CDH18: variants seen among roughly 807,000 people sequenced by gnomAD.
The protein encoded by CDH18 is cadherin 18, also known as cadherin-18.
CDH18 carries 31 observed loss-of-function variants against 67.9 expected under a neutral mutation model. That is an observed-to-expected ratio of 0.46 (90% CI 0.34 to 0.62). CDH18 has a LOEUF of 0.62. Among genes scored for constraint, CDH18 ranks in the 20% least tolerant of loss-of-function variants. The pLI, the probability that CDH18 is intolerant of heterozygous loss-of-function variation, is 0.01. For synonymous variants in CDH18, 362 were observed against 347.2 expected (o/e 1.04, Z -0.48); for missense variants, 890 against 975.5 (o/e 0.91, Z 1.17).
At chr5:19,788,926 T>A (rs1776085701) in intron 3 of CDH18, among the ~76,000 whole-genome samples, 1 of 152,180 alleles carries the variant, frequency 6.6e-6, no homozygotes, top group South Asian at 2.1e-4. Context: ...GCTGCCTTAT[T>A]AGTTAGCGAT....
intron 1 of CDH18, among the ~76,000 whole-genome samples, chr5:20,312,356 A>C (rs1370688406): frequency 6.6e-6 from 1 of 152,192 alleles, no homozygotes; most frequent in Non-Finnish European, 1.5e-5. Flanking sequence ...AAGATAATAC[A>C]TTATGGCTTC....
chr5:20,147,143 G>C (rs1750707476), intron 2 of CDH18, among the ~76,000 whole-genome samples: 1 of 152,110 alleles, frequency 6.6e-6, no homozygotes, highest in Non-Finnish European at 1.5e-5. Context: ...AATTTTAAGA[G>C]ACATAAATGA....
intron 1 of CDH18, among the ~76,000 whole-genome samples, chr5:20,339,804 T>G (rs1023360987): frequency 6.6e-6 from 1 of 152,174 alleles, no homozygotes; most frequent in Admixed American, 6.5e-5. Flanking sequence ...TTTCCAGAAC[T>G]TAACCAAAGT....
intron 3 of CDH18, among the ~76,000 whole-genome samples, chr5:19,790,553 TGAGAAGAGA>T: frequency 6.6e-6 from 1 of 152,100 alleles, no homozygotes; most frequent in East Asian, 1.9e-4. Context: ...GGAGTGTCTA[TGAGAAGAGA>T]TAAAGAGAAA....
At chr5:19,534,877 A>T (rs1268656365) in intron 9 of CDH18, among the ~76,000 whole-genome samples, 1 of 152,132 alleles carries the variant, frequency 6.6e-6, no homozygotes, top group African/African-American at 2.4e-5. Context: ...ACTCACTCTG[A>T]GTTGGCCAGC....
chr5:19,859,608 A>G (rs1784666058), intron 2 of CDH18, among the ~76,000 whole-genome samples: 1 of 152,064 alleles, frequency 6.6e-6, no homozygotes, highest in African/African-American at 2.4e-5. Context: ...TAACCCAGAC[A>G]TTTCTTTCTA....
At chr5:20,159,896 T>A (rs974784738) in intron 2 of CDH18, among the ~76,000 whole-genome samples, 5 of 152,132 alleles carry the variant, frequency 3.3e-5, no homozygotes, top group African/African-American at 1.2e-4. Flanking sequence ...ATAAAGCAGC[T>A]ACATTTCTTT....
At chr5:20,411,724 T>G (rs926524868) in intron 1 of CDH18, among the ~76,000 whole-genome samples, 1 of 151,734 alleles carries the variant, frequency 6.6e-6, no homozygotes, top group Non-Finnish European at 1.5e-5. Flanking sequence ...AGTTAATTTC[T>G]ATCCAAAACA....
At chr5:20,395,987 C>G (rs543412046) in intron 1 of CDH18, among the ~76,000 whole-genome samples, 1 of 152,140 alleles carries the variant, frequency 6.6e-6, no homozygotes, top group Non-Finnish European at 1.5e-5. Flanking sequence ...TTCATCTTGG[C>G]GTTCACCTGT....
At chr5:19,853,414 C>T (rs4629603) in intron 2 of CDH18, among the ~76,000 whole-genome samples, 121,077 of 152,054 alleles carry the variant, frequency 0.8, 50,115 homozygotes, top group Non-Finnish European at 0.91. Context: ...CCTGGGGGTT[C>T]AGCCTTGGGC....
In CDH18 at chr5:19,621,216, G is replaced by GAT. The variant is rs1392006857; in HGVS notation, c.644-8616_644-8615insAT. On this transcript the variant is annotated intron_variant, in intron 5 of 12. Transcript: ENST00000382275. ...TGGTTTAGCCTAAACAAGAACCCAG[G>GAT]TTTTTTTTTTTTTTTTGGATGTAGA... Among the ~76,000 whole-genome samples, 1,153 of 140,426 alleles carry GAT rather than the reference G, an allele frequency of 8.2e-3. 5 individuals carry two copies. Among genetic ancestry groups the GAT allele is most frequent in the Non-Finnish European group, 0.012 (784 of 65,110 alleles). 92.1% of individuals were successfully genotyped at this position (140,426 alleles called of 152,430 possible). A position where few individuals can be genotyped will look rare whatever the true frequency, so the allele number is the denominator to read the frequency against.
intron 2 of CDH18, among the ~76,000 whole-genome samples, chr5:20,075,732 A>G (rs1743871483): frequency 6.6e-6 from 1 of 152,244 alleles, no homozygotes; most frequent in Non-Finnish European, 1.5e-5. Flanking sequence ...CTGTTTCTGC[A>G]TACAAGGTCT....
chr5:20,002,918 T>C (rs1488054732), intron 2 of CDH18, among the ~76,000 whole-genome samples: 3 of 148,256 alleles, frequency 2.0e-5, no homozygotes, highest in East Asian at 2.0e-4. Context: ...GAGCCAACAA[T>C]GTGTATGTGA....
chr5:19,924,260 C>A (rs975083963), intron 2 of CDH18, among the ~76,000 whole-genome samples: 1 of 152,274 alleles, frequency 6.6e-6, no homozygotes, highest in Middle Eastern at 3.4e-3. Context: ...TGCAGTCTGT[C>A]CTCTCCTCTC....
chr5:19,492,457 A>G (rs1265610706), intron 11 of CDH18, among the ~76,000 whole-genome samples: 1 of 152,158 alleles, frequency 6.6e-6, no homozygotes, highest in Non-Finnish European at 1.5e-5. Flanking sequence ...TTTATTCACT[A>G]TAGATGTGAA....
intron 1 of CDH18, among the ~76,000 whole-genome samples, chr5:20,266,555 C>A (rs940981252): frequency 6.9e-6 from 1 of 144,812 alleles, no homozygotes; most frequent in Non-Finnish European, 1.5e-5. Context: ...AGGCACGTGC[C>A]GGCACGCCCG....
At chr5:20,265,375 GA>G in intron 1 of CDH18, among the ~76,000 whole-genome samples, 1 of 152,002 alleles carries the variant, frequency 6.6e-6, no homozygotes, top group East Asian at 1.9e-4. Flanking sequence ...TGTTATTTGT[GA>G]AAAAATATGT....
chr5:19,844,785 G>A (rs538859688), intron 2 of CDH18, among the ~76,000 whole-genome samples: 1 of 152,212 alleles, frequency 6.6e-6, no homozygotes, highest in East Asian at 1.9e-4. Context: ...AATTAAAAGG[G>A]TTCTAGCTAT....
At chr5:20,198,170 C>A (rs974266727) in intron 2 of CDH18, among the ~76,000 whole-genome samples, 4 of 152,086 alleles carry the variant, frequency 2.6e-5, no homozygotes, top group Non-Finnish European at 5.9e-5. Context: ...AGTAATGGGG[C>A]ACTGGTGGAA....
Sources: allele counts gnomAD v4.1 joint callset (sites outside exome capture counted in the v4.1 genomes callset), GRCh38; gene constraint gnomAD v4.1.1; transcripts MANE v1.5; gene names NCBI Gene and HGNC (gene_info 2026-07-23, HGNC 2026-07-21).